FRMPD4: variants seen among roughly 807,000 people sequenced by gnomAD.
FRMPD4 encodes FERM and PDZ domain containing 4.
Under a neutral mutation model 94.1 loss-of-function variants are expected in FRMPD4, and 22 were observed. The ratio of observed to expected loss-of-function variants is 0.23; its 90% CI spans 0.17 to 0.33. The LOEUF is 0.33. Among genes scored for constraint, FRMPD4 ranks in the 10% least tolerant of loss-of-function variants. FRMPD4 has a pLI of 1.00. For synonymous variants in FRMPD4, 631 were observed against 548.6 expected, an observed-to-expected ratio of 1.15 and a Z score of -2.10; for missense variants, 1,111 against 1,339.9, an observed-to-expected ratio of 0.83 and a Z score of 2.67.
At chrX:12,371,778 A>C (rs1167481226) in intron 1 of FRMPD4, among the ~76,000 whole-genome samples, 4 of 111,703 alleles carry the variant, frequency 3.6e-5, no homozygotes, top group Non-Finnish European at 7.5e-5. Context: ...ACATATAGCA[A>C]ATAAAAATAC....
chrX:12,047,841 G>A (rs1244564002), intron 3 of FRMPD4, among the ~76,000 whole-genome samples: 1 of 112,264 alleles, frequency 8.9e-6, no homozygotes, highest in Non-Finnish European at 1.9e-5. Flanking sequence ...CTTTTTTATA[G>A]CTGCATAGTA....
At chrX:12,331,918 AT>A (rs1465433220) in intron 1 of FRMPD4, among the ~76,000 whole-genome samples, 7 of 45,011 alleles carry the variant, frequency 1.6e-4, no homozygotes, top group African/African-American at 7.3e-4. Flanking sequence ...ATAAATATAT[AT>A]ATTTATATAC....
At chrX:12,272,040 C>T (rs2054361993) in intron 1 of FRMPD4, among the ~76,000 whole-genome samples, 1 of 112,299 alleles carries the variant, frequency 8.9e-6, no homozygotes, top group African/African-American at 3.2e-5. Context: ...GATTCAAATC[C>T]TGGCTCTGCC....
chrX:12,351,172 CAAA>C (rs764761807), intron 1 of FRMPD4, among the ~76,000 whole-genome samples: 4 of 82,695 alleles, frequency 4.8e-5, no homozygotes, highest in African/African-American at 8.7e-5. Flanking sequence ...CTCCACCTCA[CAAA>C]AAAAAAAAAA....
chrX:11,854,357 C>T (rs1294762826), intron 1 of FRMPD4, among the ~76,000 whole-genome samples: 1 of 111,594 alleles, frequency 9.0e-6, no homozygotes, highest in Non-Finnish European at 1.9e-5. Context: ...ATCTCATGTC[C>T]TCGCAATTCA....
chrX:12,661,063 A>G (rs1051611382), intron 4 of FRMPD4, among the ~76,000 whole-genome samples: 2 of 111,875 alleles, frequency 1.8e-5, no homozygotes, highest in Non-Finnish European at 3.8e-5. Flanking sequence ...TGTGGACTTT[A>G]TAAGGCTTCT....
intron 4 of FRMPD4, among the ~76,000 whole-genome samples, chrX:12,672,253 T>C (rs2059851245): frequency 8.9e-6 from 1 of 112,219 alleles, no homozygotes; most frequent in African/African-American, 3.2e-5. Flanking sequence ...TCCTGGAAGA[T>C]TTCTTTGTTG....
chrX:11,893,474 C>T (rs1243394972), intron 3 of FRMPD4, among the ~76,000 whole-genome samples: 1 of 111,997 alleles, frequency 8.9e-6, no homozygotes, highest in Non-Finnish European at 1.9e-5. Flanking sequence ...GTATCTCTGA[C>T]ATTTTGGTGA....
intron 1 of FRMPD4, among the ~76,000 whole-genome samples, chrX:12,427,879 A>G (rs1430372508): frequency 3.0e-5 from 3 of 101,338 alleles, no homozygotes; most frequent in Non-Finnish European, 4.0e-5. Context: ...AAGGATGTTA[A>G]TCATTTTCCT....
chrX:12,497,507 A>G (rs1159203314), intron 1 of FRMPD4, among the ~76,000 whole-genome samples: 1 of 107,768 alleles, frequency 9.3e-6, no homozygotes, highest in Non-Finnish European at 1.9e-5. Flanking sequence ...GGAAATTGCC[A>G]CTGCTGACTT....
intron 4 of FRMPD4, among the ~76,000 whole-genome samples, chrX:12,616,185 G>A (rs1273451288): frequency 1.8e-5 from 2 of 110,991 alleles, no homozygotes; most frequent in Non-Finnish European, 3.8e-5. Flanking sequence ...GGGCCTTTAG[G>A]GAAGTGATTA....
At position 12,524,010 on chromosome X, in the gene FRMPD4, G is replaced by A. The variant is rs772224600; in HGVS notation, c.158+25214G>A. Among the ~76,000 whole-genome samples the A allele has an allele frequency of 3.6e-5, 4 of 110,811 alleles. No homozygotes were observed. The Admixed American group carries it at 3.8e-4, about 11-fold the overall frequency. On this transcript the variant is annotated intron_variant, in intron 2 of 16. Transcript: ENST00000675598. ...ATCTCTAAAAAAGTTTAAAAATTAG[G>A]CAGGCTTGGTGGCATGCACCTGTAG...
rs1377529432 is a variant in FRMPD4 at position 12,718,389 on chromosome X, C to G, written c.3563C>G (p.Ala1188Gly). The G allele has an allele frequency of 8.3e-7, 1 of 1,210,151 alleles. No individual in the cohort carries two copies. The highest frequency in any genetic ancestry group is 1.1e-6 in the Non-Finnish European group (1 of 895,090). ...CTTCCTGAGGCTGATGAGAGTGTGG[C>G]CCGCCTTTGTGACTACCACTTGGCC... Reference protein sequence around the residue: ...SKLPEADESVARLCDYHLAKR... With the variant: ...SKLPEADESVGRLCDYHLAKR... The change falls in exon 16 of 17, where the codon GCC (alanine) becomes GGC (glycine). Residue 1188 changes from alanine to glycine, a missense_variant. Physicochemically the swap from Ala to Gly is moderately conservative, Grantham distance 60 (BLOSUM62 0). This residue lies in a region of FRMPD4 where 551 missense variants were observed against 591.6 expected (regional missense o/e 0.93). Coordinates refer to ENST00000675598, the MANE Select transcript of FRMPD4 (RefSeq NM_001368397.1).
chrX:12,437,128 C>T (rs988952567), intron 1 of FRMPD4, among the ~76,000 whole-genome samples: 10 of 111,100 alleles, frequency 9.0e-5, no homozygotes, highest in African/African-American at 3.3e-4. Context: ...GGAAGTTATG[C>T]ATTTCATTTG....
chrX:12,118,672 G>A (rs888481006), intron 3 of FRMPD4, among the ~76,000 whole-genome samples: 10 of 111,582 alleles, frequency 9.0e-5, no homozygotes, highest in Non-Finnish European at 1.5e-4. Context: ...TGGTGAAGAT[G>A]GCCTTTGGCT....
chrX:11,849,493 C>T (rs2053607268), intron 1 of FRMPD4, among the ~76,000 whole-genome samples: 1 of 111,061 alleles, frequency 9.0e-6, no homozygotes, highest in Non-Finnish European at 1.9e-5. Flanking sequence ...AAGTTGGGGG[C>T]CTCATACTTT....
At chrX:12,366,325 A>T (rs1417501157) in intron 1 of FRMPD4, among the ~76,000 whole-genome samples, 1 of 112,162 alleles carries the variant, frequency 8.9e-6, no homozygotes, top group East Asian at 2.8e-4. Context: ...CTGAATGATG[A>T]TGAACCTCCT....
chrX:12,493,485 T>C (rs368471849), intron 1 of FRMPD4, among the ~76,000 whole-genome samples: 10 of 111,998 alleles, frequency 8.9e-5, no homozygotes, highest in South Asian at 3.8e-4. Context: ...ATATCTGAAA[T>C]GAAGATAATG....
intron 2 of FRMPD4, among the ~76,000 whole-genome samples, chrX:12,515,461 T>C (rs926294528): frequency 1.3e-4 from 15 of 111,994 alleles, no homozygotes; most frequent in Non-Finnish European, 2.6e-4. Flanking sequence ...CAAGAGTCAT[T>C]CAGGAGCAGG....
Sources: gnomAD v4.1 joint callset for allele counts (sites outside exome capture counted in the v4.1 genomes callset) on GRCh38, gnomAD v4.1.1 for gene constraint, gnomAD v4.1.1 regional missense constraint, MANE v1.5 for transcripts, NCBI Gene and HGNC (gene_info 2026-07-23, HGNC 2026-07-21) for gene names.